The following ACO2 variants were observed in gnomAD, a reference collection of about 807,000 sequenced individuals.
ACO2 encodes the protein aconitate hydratase, mitochondrial.
In ACO2, 31 loss-of-function variants were observed where a neutral mutation model predicts 84.5. The ratio of observed to expected loss-of-function variants is 0.37; its 90% confidence interval spans 0.28 to 0.50. The LOEUF (loss-of-function observed/expected upper bound fraction) is 0.50, where lower values mean the gene tolerates loss of function less well. ACO2 is among the 20% of genes least tolerant of loss of function. ACO2 has a pLI of 0.97. For missense variants in ACO2, 685 were observed against 1,029.3 expected, an observed-to-expected ratio of 0.67 and a Z score of 4.58; for synonymous variants, 414 against 412.7, an observed-to-expected ratio of 1.00 and a Z score of -0.04.
Position 41,515,949 on chromosome 22 carries a change from A to T in ACO2, c.835+32A>T, listed in dbSNP as rs532870352. 1 of 1,601,660 alleles carries T rather than the reference A, an allele frequency of 6.2e-7. No individual in the cohort carries two copies. Among genetic ancestry groups the T allele is most frequent in the Admixed American group, 1.7e-5 (1 of 57,788 alleles). ...AAGGCGGCCAGGCGACGTGGCCCCT[A>T]CCCTGTGCTGGGCCTGATGGGTCTC... On this transcript the variant is annotated intron_variant, in intron 6 of 17. Coordinates refer to ENST00000216254, the MANE Select transcript of ACO2 (RefSeq NM_001098.3). This position sits in a 1 kb window ranked among gnomAD's most constrained non-coding sequence, Gnocchi z 5.8.
intron 1 of ACO2, among the ~76,000 whole-genome samples, chr22:41,482,026 A>G (rs971641584): frequency 1.3e-5 from 2 of 152,198 alleles, no homozygotes; most frequent in African/African-American, 4.8e-5. Context: ...AGCTGTTGTC[A>G]TCTCGCCAGC....
chr22:41,509,293 C>T (rs2066417228), intron 3 of ACO2, among the ~76,000 whole-genome samples: 1 of 152,082 alleles, frequency 6.6e-6, no homozygotes, highest in Admixed American at 6.5e-5. Flanking sequence ...GAGCTCATTC[C>T]CTCATGCGTT....
chr22:41,528,711 T>A lies in ACO2; in HGVS notation c.*98T>A. The stretch of plus-strand genomic sequence containing the variant: ...CCAGCCATGGCTTCCTATTCCAAGA[T>A]GGTGTGACCAGACATGCTTCCTGCT... On this transcript the variant is annotated 3_prime_UTR_variant, in exon 18 of 18. Coordinates refer to ENST00000216254, the MANE Select transcript of ACO2 (RefSeq NM_001098.3). The A allele has an allele frequency of 1.3e-6, 2 of 1,493,696 alleles. No homozygotes were observed. The highest frequency in any genetic ancestry group is 1.8e-6 in the Non-Finnish European group (2 of 1,115,260). 92.5% of individuals were successfully genotyped at this position (1,493,696 alleles called of 1,614,324 possible).
intron 2 of ACO2, among the ~76,000 whole-genome samples, chr22:41,505,026 C>G (rs2066382974): frequency 2.0e-5 from 3 of 151,906 alleles, no homozygotes; most frequent in Admixed American, 2.0e-4. Context: ...GGAACTCTTA[C>G]TTTGAAGAGG....
chr22:41,516,137 G>A (rs2066474469), intron 6 of ACO2: 2 of 669,650 alleles, frequency 3.0e-6, no homozygotes, highest in African/African-American at 1.8e-5. Context: ...ACCTGTCGAG[G>A]CTGCCGGTGA....
rs563747519 is a variant in ACO2 at position 41,518,561 on chromosome 22, A to G, written c.1021A>G (p.Asn341Asp). Residue 341 changes from asparagine to aspartate, a missense_variant, in exon 8 of 18, where the codon AAC (asparagine) becomes GAC (aspartate). Around this residue, in one of 5 missense-constraint regions of ACO2, gnomAD observed 311 missense variants for 441.6 expected, o/e 0.70. Coordinates refer to ENST00000216254, the MANE Select transcript of ACO2 (RefSeq NM_001098.3). Reference protein sequence around the residue: ...GCHYDQLIEINLSELKPHING... With the variant: ...GCHYDQLIEIDLSELKPHING... The stretch of plus-strand genomic sequence containing the variant: ...CCATTATGACCAACTAATTGAAATT[A>G]ACCTCAGTGAGGTGAGGAGACAATT... 2 of 1,612,972 alleles carry G rather than the reference A, an allele frequency of 1.2e-6. No homozygotes were observed. The highest frequency in any genetic ancestry group is 1.3e-5 in the African/African-American group (1 of 75,014).
At chr22:41,527,746 G>C (rs1275313920) in intron 16 of ACO2, 155 bp from the exon 17 acceptor site, 41 of 1,282,070 alleles carry the variant, frequency 3.2e-5, no homozygotes, top group Non-Finnish European at 3.8e-5. Context: ...GGCACCCCTA[G>C]TGAAAGGGAG....
At chr22:41,469,226 C>T (rs1249187571) in intron 1 of ACO2, 44 bp downstream of exon 1, 14 of 1,591,774 alleles carry the variant, frequency 8.8e-6, no homozygotes, top group East Asian at 2.3e-5. Context: ...GGCGGGGTGC[C>T]TCCTACTGTG....
intron 3 of ACO2, among the ~76,000 whole-genome samples, chr22:41,511,140 G>C (rs2146119412): frequency 6.6e-6 from 1 of 152,162 alleles, no homozygotes; most frequent in Non-Finnish European, 1.5e-5. Context: ...AAGTAGCTGG[G>C]ACCGCAGGTG....
At position 41,491,089 on chromosome 22, in the gene ACO2, T is replaced by C. The variant is rs376453424; in HGVS notation, c.37-8637T>C. On this transcript the variant is annotated intron_variant, in intron 1 of 17. Transcript: ENST00000216254. The stretch of plus-strand genomic sequence containing the variant: ...TGAGAAAGTGAAATGTATTTGGAGT[T>C]TGATGGATCAACTGGATGTTCCCTA... 1.3e-3 allele frequency among the ~76,000 whole-genome samples: 202 copies of C among 152,030 alleles called. 1 individual carries two copies. Among genetic ancestry groups the C allele is most frequent in the African/African-American group, 4.7e-3 (195 of 41,476 alleles).
intron 8 of ACO2, 58 bp from the exon 9 acceptor site, chr22:41,520,113 C>T (rs1312552780): frequency 8.1e-6 from 12 of 1,477,024 alleles, no homozygotes; most frequent in Non-Finnish European, 1.0e-5. Flanking sequence ...AGAGGCTGTC[C>T]CCGCTTCAAG....
intron 1 of ACO2, among the ~76,000 whole-genome samples, chr22:41,470,152 A>C (rs2037926704): frequency 6.6e-6 from 1 of 152,194 alleles, no homozygotes; most frequent in African/African-American, 2.4e-5. Context: ...TTCTAACTTG[A>C]CAGCCCTGGG....
chr22:41,512,567 G>A (rs902579174), intron 4 of ACO2, among the ~76,000 whole-genome samples: 6 of 152,312 alleles, frequency 3.9e-5, no homozygotes, highest in Non-Finnish European at 7.3e-5. Flanking sequence ...ATGCCACCGT[G>A]CTGCTCTGCC....
chr22:41,473,691 A>T (rs1420008519), intron 1 of ACO2, among the ~76,000 whole-genome samples: 1 of 152,196 alleles, frequency 6.6e-6, no homozygotes, highest in African/African-American at 2.4e-5. Context: ...GGGTGGGAAC[A>T]TGGCATTTTT....
chr22:41,522,102 G>A (rs933020222), intron 9 of ACO2, among the ~76,000 whole-genome samples: 4 of 152,226 alleles, frequency 2.6e-5, no homozygotes, highest in Non-Finnish European at 4.4e-5. Flanking sequence ...GCTGAGGCAG[G>A]AGGATCATTT....
chr22:41,527,869 C>A, intron 16 of ACO2, 32 bp from the exon 17 acceptor site: 1 of 1,613,900 alleles, frequency 6.2e-7, no homozygotes, highest in Non-Finnish European at 8.5e-7. Context: ...GCTAGTCAGG[C>A]CCCCGATGAC....
intron 9 of ACO2, 39 bp downstream of exon 9, chr22:41,520,315 G>T: frequency 6.5e-7 from 1 of 1,528,738 alleles, no homozygotes; most frequent in South Asian, 1.1e-5. Context: ...CAGGTCTCAG[G>T]GCCAGTGGCT....
intron 1 of ACO2, among the ~76,000 whole-genome samples, chr22:41,475,882 G>GA: frequency 6.7e-6 from 1 of 148,372 alleles, no homozygotes; most frequent in East Asian, 2.0e-4. Context: ...TGGGCAACAG[G>GA]GTGAAACTCT....
In ACO2 at chr22:41,520,161, G is replaced by A. The variant is rs769780424; in HGVS notation, c.1033-10G>A. 6.2e-7 allele frequency: 1 copy of A among 1,608,930 alleles called. No individual in the cohort carries two copies. Among genetic ancestry groups the A allele is most frequent in the Non-Finnish European group, 8.5e-7 (1 of 1,176,036 alleles). ...CTCTCTTTCTTCTCCTTGCATGTTT[G>A]TTTCTTCAGCTGAAGCCACACATCA... On this transcript the variant is annotated splice_polypyrimidine_tract_variant and intron_variant, in intron 8 of 17. Transcript: ENST00000216254.
Sources: gnomAD v4.1 joint callset for allele counts (sites outside exome capture counted in the v4.1 genomes callset) on GRCh38, gnomAD v4.1.1 for gene constraint, gnomAD v4.1.1 regional missense constraint, Gnocchi (gnomAD v3.1) non-coding constraint, MANE v1.5 for transcripts, NCBI Gene and HGNC (gene_info 2026-07-23, HGNC 2026-07-21) for gene names.